TAFA2: variants seen among roughly 807,000 people sequenced by gnomAD.
TAFA2 encodes chemokine-like protein TAFA-2.
A neutral mutation model predicts 18.8 loss-of-function variants in TAFA2; 7 were observed. The observed-to-expected ratio is 0.37, with a 90% confidence interval of 0.21 to 0.70. The LOEUF (loss-of-function observed/expected upper bound fraction) is 0.70. Among genes scored for constraint, TAFA2 ranks in the 30% least tolerant of loss-of-function variants. The pLI is 0.53. For synonymous variants in TAFA2, 60 were observed against 54.2 expected, an observed-to-expected ratio of 1.11 and a Z score of -0.47; for missense variants, 122 against 158.1, an observed-to-expected ratio of 0.77 and a Z score of 1.23.
intron 1 of TAFA2, among the ~76,000 whole-genome samples, chr12:62,114,294 C>T (rs1420317572): frequency 1.1e-4 from 16 of 152,160 alleles, no homozygotes; most frequent in Non-Finnish European, 2.4e-4. Flanking sequence ...CCCCACCCTG[C>T]TTTGGCTCGT....
At chr12:62,239,234 A>C (rs2062851114) in intron 1 of TAFA2, among the ~76,000 whole-genome samples, 1 of 152,214 alleles carries the variant, frequency 6.6e-6, no homozygotes, top group Non-Finnish European at 1.5e-5. Context: ...TATTTTCTAA[A>C]GGTGACCACC....
At chr12:62,076,855 G>T (rs2136812725) in intron 1 of TAFA2, among the ~76,000 whole-genome samples, 1 of 152,310 alleles carries the variant, frequency 6.6e-6, no homozygotes, top group Non-Finnish European at 1.5e-5. Flanking sequence ...CTGGAGATGT[G>T]CAGAGCTGCT....
At chr12:61,741,753 T>G (rs1868461509) in intron 4 of TAFA2, among the ~76,000 whole-genome samples, 1 of 152,118 alleles carries the variant, frequency 6.6e-6, no homozygotes, top group Non-Finnish European at 1.5e-5. Flanking sequence ...AGAGTCATAA[T>G]TTTTAAAAAA....
At chr12:62,153,365 A>T (rs2062343048) in intron 1 of TAFA2, among the ~76,000 whole-genome samples, 1 of 152,264 alleles carries the variant, frequency 6.6e-6, no homozygotes, top group African/African-American at 2.4e-5. Context: ...CATACAATCA[A>T]AGTGCCAGTA....
chr12:61,928,505 G>C (rs1264287079), intron 1 of TAFA2, among the ~76,000 whole-genome samples: 1 of 152,146 alleles, frequency 6.6e-6, no homozygotes, highest in Admixed American at 6.5e-5. Flanking sequence ...TCATTAAAAA[G>C]TCAGGAAACA....
At chr12:62,217,431 G>T (rs1325790823) in intron 1 of TAFA2, among the ~76,000 whole-genome samples, 1 of 152,190 alleles carries the variant, frequency 6.6e-6, no homozygotes. Flanking sequence ...GGCCCTGGTA[G>T]ACAGAGAGAA....
chr12:62,033,299 G>A (rs1225721265), intron 1 of TAFA2, among the ~76,000 whole-genome samples: 1 of 152,056 alleles, frequency 6.6e-6, no homozygotes, highest in African/African-American at 2.4e-5. Context: ...AAATGTCCAT[G>A]AACTAAGGAA....
At chr12:62,022,093 T>G (rs1454735241) in intron 1 of TAFA2, 4 of 525,646 alleles carry the variant, frequency 7.6e-6, no homozygotes, top group Non-Finnish European at 1.5e-5. Flanking sequence ...CAGCAGTCAG[T>G]TCCCCAACCC....
chr12:62,061,628 T>A (rs974549084), intron 1 of TAFA2, among the ~76,000 whole-genome samples: 8 of 152,228 alleles, frequency 5.3e-5, no homozygotes, highest in Admixed American at 3.9e-4. Flanking sequence ...AATCTCCTAA[T>A]ATAATTTAAT....
chr12:62,204,298 T>G (rs1008073065), intron 1 of TAFA2, among the ~76,000 whole-genome samples: 10 of 152,152 alleles, frequency 6.6e-5, no homozygotes, highest in African/African-American at 2.4e-4. Context: ...CCTTGGAGAA[T>G]CTGATGATTA....
At chr12:61,746,254 G>T (rs925405045) in intron 4 of TAFA2, among the ~76,000 whole-genome samples, 1 of 152,006 alleles carries the variant, frequency 6.6e-6, no homozygotes, top group Non-Finnish European at 1.5e-5. Flanking sequence ...CCATCCTGCC[G>T]CCCTGTGAAG....
chr12:61,902,091 TAAAAAAA>T (rs750989820), intron 1 of TAFA2, among the ~76,000 whole-genome samples: 3 of 116,466 alleles, frequency 2.6e-5, no homozygotes, highest in African/African-American at 3.6e-5. Flanking sequence ...GCAGGAATGT[TAAAAAAA>T]AAAAAAAAAA....
intron 4 of TAFA2, among the ~76,000 whole-genome samples, chr12:61,726,781 G>GTGGA (rs1293326311): frequency 6.6e-6 from 1 of 152,006 alleles, no homozygotes; most frequent in Non-Finnish European, 1.5e-5. Context: ...AGTGGTGAAA[G>GTGGA]TGGACATCCT....
intron 1 of TAFA2, among the ~76,000 whole-genome samples, chr12:61,889,222 C>G (rs1208694111): frequency 6.6e-6 from 1 of 152,140 alleles, no homozygotes; most frequent in African/African-American, 2.4e-5. Context: ...CATAAGGAAC[C>G]AAGTTAAAGA....
intron 2 of TAFA2, among the ~76,000 whole-genome samples, chr12:61,772,799 C>A (rs1228679292): frequency 6.6e-6 from 1 of 151,814 alleles, no homozygotes; most frequent in African/African-American, 2.4e-5. Context: ...AGAACTGGAA[C>A]AAGAAAAGGA....
chr12:62,023,499 A>G (rs1438496851), intron 1 of TAFA2, among the ~76,000 whole-genome samples: 2 of 151,944 alleles, frequency 1.3e-5, no homozygotes, highest in East Asian at 3.9e-4. Flanking sequence ...CAGATAAAAC[A>G]AAGAATTTGC....
At chr12:62,007,404 G>A (rs554193882) in intron 1 of TAFA2, among the ~76,000 whole-genome samples, 117 of 152,154 alleles carry the variant, frequency 7.7e-4, no homozygotes, top group Non-Finnish European at 1.3e-3. Flanking sequence ...ATCTTCCCAC[G>A]AGGAAGCAAG....
chr12:62,200,843 C>T (rs375575034), intron 1 of TAFA2, among the ~76,000 whole-genome samples: 46 of 152,000 alleles, frequency 3.0e-4, no homozygotes, highest in African/African-American at 9.4e-4. Flanking sequence ...TTACTTTGGG[C>T]GGTATGGCCA....
At chr12:61,976,881 C>T (rs1592525982) in intron 1 of TAFA2, among the ~76,000 whole-genome samples, 1 of 152,052 alleles carries the variant, frequency 6.6e-6, no homozygotes, top group Non-Finnish European at 1.5e-5. Context: ...GCATAGTATT[C>T]CATGTTGTAT....
Sources: gnomAD v4.1 joint callset for allele counts (sites outside exome capture counted in the v4.1 genomes callset) on GRCh38, gnomAD v4.1.1 for gene constraint, MANE v1.5 for transcripts, NCBI Gene and HGNC (gene_info 2026-07-23, HGNC 2026-07-21) for gene names.